The following PPP2R2B variants were observed in gnomAD, a reference collection of about 807,000 sequenced individuals.
PPP2R2B encodes the protein serine/threonine-protein phosphatase 2A 55 kDa regulatory subunit B beta isoform.
In PPP2R2B, 5 loss-of-function variants were observed where a neutral mutation model predicts 46.0. The observed-to-expected ratio is 0.11, with a 90% CI of 0.06 to 0.23. PPP2R2B has a LOEUF of 0.23. Among genes scored for constraint, PPP2R2B ranks in the 10% least tolerant of loss-of-function variants. The pLI is 1.00. For synonymous variants in PPP2R2B, 215 were observed against 206.7 expected (o/e 1.04, Z -0.34); for missense variants, 367 against 575.0 (o/e 0.64, Z 3.70).
intron 1 of PPP2R2B, among the ~76,000 whole-genome samples, chr5:146,920,068 A>G (rs953180057): frequency 6.6e-6 from 1 of 152,216 alleles, no homozygotes. Flanking sequence ...GAGAAAACAA[A>G]GGTAAACTGC....
At chr5:146,962,749 T>G (rs1422242317) in intron 1 of PPP2R2B, among the ~76,000 whole-genome samples, 1 of 152,208 alleles carries the variant, frequency 6.6e-6, no homozygotes, top group Non-Finnish European at 1.5e-5. Context: ...TAACCTTATT[T>G]GATTCTCATC....
At chr5:146,932,835 C>T (rs1359234263) in intron 1 of PPP2R2B, among the ~76,000 whole-genome samples, 1 of 152,064 alleles carries the variant, frequency 6.6e-6, no homozygotes, top group Non-Finnish European at 1.5e-5. Flanking sequence ...AACTAACCAC[C>T]TAGTATATGC....
intron 2 of PPP2R2B, among the ~76,000 whole-genome samples, chr5:147,072,082 A>C (rs1405178595): frequency 6.6e-6 from 1 of 152,206 alleles, no homozygotes; most frequent in Non-Finnish European, 1.5e-5. Context: ...TGTAGGATTC[A>C]AAACTTTGCT....
intron 2 of PPP2R2B, among the ~76,000 whole-genome samples, chr5:147,074,806 GT>G (rs1284062927): frequency 6.6e-6 from 1 of 152,094 alleles, no homozygotes; most frequent in Non-Finnish European, 1.5e-5. Flanking sequence ...TCAAATTGAT[GT>G]TTTTCTCTCA....
chr5:147,079,447 T>TAC (rs1757905535), intron 2 of PPP2R2B, among the ~76,000 whole-genome samples: 5 of 53,790 alleles, frequency 9.3e-5, no homozygotes, highest in Middle Eastern at 5.7e-3. Context: ...TATATATACA[T>TAC]ATATATATAT....
chr5:146,831,342 C>T (rs152436), intron 2 of PPP2R2B, among the ~76,000 whole-genome samples: 22,257 of 151,556 alleles, frequency 0.15, 1,781 homozygotes, highest in African/African-American at 0.2. Flanking sequence ...ACTAAAAATA[C>T]AAAAATTAGC....
chr5:146,866,749 A>C lies in PPP2R2B; in HGVS notation c.70+11253T>G, dbSNP rs139337773. On this transcript the variant is annotated intron_variant, in intron 2 of 9. Transcript: ENST00000394411. Reference sequence around the variant, plus strand: ...CACATAGAGTACATCCAGAATACTTAACCTGATTCCTGCTACATTGCAAGC... The same window carrying C: ...CACATAGAGTACATCCAGAATACTTCACCTGATTCCTGCTACATTGCAAGC... Among the ~76,000 whole-genome samples, 416 of 152,314 alleles carry C rather than the reference A, an allele frequency of 2.7e-3. 2 individuals are homozygous for C. The highest frequency in any genetic ancestry group is 9.6e-3 in the African/African-American group (397 of 41,570).
intron 5 of PPP2R2B, among the ~76,000 whole-genome samples, chr5:146,651,817 G>A (rs376820292): frequency 2.0e-5 from 3 of 152,332 alleles, no homozygotes; most frequent in East Asian, 3.9e-4. Context: ...CCCAGGTGGC[G>A]AGGAGAAGAA....
intron 2 of PPP2R2B, among the ~76,000 whole-genome samples, chr5:146,749,171 T>C (rs1753380938): frequency 6.6e-6 from 1 of 152,252 alleles, no homozygotes; most frequent in African/African-American, 2.4e-5. Context: ...TTAAACATCA[T>C]TTGCTGTGCT....
chr5:146,964,042 T>G (rs527728369), intron 1 of PPP2R2B, among the ~76,000 whole-genome samples: 1 of 152,318 alleles, frequency 6.6e-6, no homozygotes, highest in South Asian at 2.1e-4. Flanking sequence ...GCCATCCAAA[T>G]GTAGCCCTTA....
chr5:146,773,537 A>G (rs1019802853), intron 2 of PPP2R2B, among the ~76,000 whole-genome samples: 2 of 152,218 alleles, frequency 1.3e-5, no homozygotes, highest in African/African-American at 4.8e-5. Flanking sequence ...CACATGCACA[A>G]AATAATGAAT....
intron 2 of PPP2R2B, among the ~76,000 whole-genome samples, chr5:146,799,007 C>T (rs1423927699): frequency 6.6e-6 from 1 of 152,174 alleles, no homozygotes; most frequent in Non-Finnish European, 1.5e-5. Context: ...GACAGATACA[C>T]TGAATACTCC....
intron 2 of PPP2R2B, among the ~76,000 whole-genome samples, chr5:146,829,891 T>C (rs1758820725): frequency 6.6e-6 from 1 of 152,190 alleles, no homozygotes; most frequent in South Asian, 2.1e-4. Context: ...AGAGTCACAC[T>C]CATTGTGTTT....
chr5:146,799,349 CT>C (rs552159210), intron 2 of PPP2R2B, among the ~76,000 whole-genome samples: 94 of 152,306 alleles, frequency 6.2e-4, no homozygotes, highest in Non-Finnish European at 1.2e-3. Flanking sequence ...GCTCTATTTA[CT>C]TTTGGTTAAA....
At chr5:146,766,182 T>C (rs1297982074) in intron 2 of PPP2R2B, among the ~76,000 whole-genome samples, 1 of 152,202 alleles carries the variant, frequency 6.6e-6, no homozygotes, top group African/African-American at 2.4e-5. Flanking sequence ...TAACAGCTCA[T>C]GAAAAGTTAC....
chr5:146,592,955 A>G lies in PPP2R2B; in HGVS notation c.1052+16T>C. On this transcript the variant is annotated intron_variant, in intron 9 of 9. Coordinates refer to ENST00000394411, the MANE Select transcript of PPP2R2B (RefSeq NM_181675.4). The stretch of plus-strand genomic sequence containing the variant: ...ACAATCTTTGGAAGGTTCTTCAGCC[A>G]CAGAGCCTTTCTTACCTGTCTGACC... 6.3e-7 allele frequency: 1 copy of G among 1,590,662 alleles called. No homozygotes were observed.
At chr5:146,642,448 T>G (rs1179472896) in intron 6 of PPP2R2B, among the ~76,000 whole-genome samples, 1 of 152,164 alleles carries the variant, frequency 6.6e-6, no homozygotes, top group Non-Finnish European at 1.5e-5. Context: ...AAGTCCAGCA[T>G]GATATTAGAA....
At chr5:147,029,445 C>T (rs1755677628) in intron 1 of PPP2R2B, among the ~76,000 whole-genome samples, 2 of 152,106 alleles carry the variant, frequency 1.3e-5, no homozygotes, top group Admixed American at 6.5e-5. Flanking sequence ...ATTGGCAATC[C>T]ATATAAATGT....
At chr5:146,707,179 T>C (rs535653053) in intron 2 of PPP2R2B, 3 of 1,584,252 alleles carry the variant, frequency 1.9e-6, no homozygotes, top group East Asian at 2.2e-5. Context: ...CCTAAGGCTG[T>C]TGATGTAGCT....
Sources: gnomAD v4.1 joint callset for allele counts (sites outside exome capture counted in the v4.1 genomes callset) on GRCh38, gnomAD v4.1.1 for gene constraint, MANE v1.5 for transcripts, NCBI Gene and HGNC (gene_info 2026-07-23, HGNC 2026-07-21) for gene names.